Variants in FRMD4A observed in about 807,000 individuals in gnomAD.
The protein encoded by FRMD4A is FERM domain containing 4A, also known as FERM domain-containing protein 4A.
Under a neutral mutation model 129.1 loss-of-function variants are expected in FRMD4A, and 29 were observed. That is an observed-to-expected ratio of 0.22 (90% confidence interval 0.17 to 0.31). The LOEUF (loss-of-function observed/expected upper bound fraction) is 0.31, where lower values mean the gene tolerates loss of function less well. Ranked by LOEUF, FRMD4A falls within the 10% of genes least tolerant of loss-of-function variation. The pLI is 1.00. For missense variants in FRMD4A, 1,272 were observed against 1,375.8 expected, an observed-to-expected ratio of 0.92 and a Z score of 1.19; for synonymous variants, 634 against 571.6, an observed-to-expected ratio of 1.11 and a Z score of -1.56.
intron 2 of FRMD4A, among the ~76,000 whole-genome samples, chr10:14,253,729 C>T (rs1442188606): frequency 1.3e-5 from 2 of 152,208 alleles, no homozygotes; most frequent in African/African-American, 4.8e-5. Context: ...TTTGCTCTTC[C>T]TTCACCTTGT....
intron 2 of FRMD4A, among the ~76,000 whole-genome samples, chr10:14,189,952 G>A (rs969897968): frequency 3.3e-5 from 5 of 152,174 alleles, no homozygotes; most frequent in African/African-American, 1.2e-4. Flanking sequence ...AAACTTCATA[G>A]GGCGCTCTCT....
intron 2 of FRMD4A, among the ~76,000 whole-genome samples, chr10:14,185,583 TAAGAAAGAG>T (rs1023058936): frequency 1.2e-4 from 18 of 151,580 alleles, no homozygotes; most frequent in Non-Finnish European, 2.1e-4. Flanking sequence ...TCTCGTCTTG[TAAGAAAGAG>T]AAACAGGTAG....
chr10:14,206,426 G>A (rs1170935205), intron 2 of FRMD4A, among the ~76,000 whole-genome samples: 1 of 152,154 alleles, frequency 6.6e-6, no homozygotes, highest in South Asian at 2.1e-4. Flanking sequence ...TTTCTGTCCT[G>A]TGGTTCCTTT....
rs192122780 is a variant in FRMD4A, at chr10:13,712,597, G to C, written c.760-5484C>G. On this transcript the variant is annotated intron_variant, in intron 12 of 24. Transcript: ENST00000357447. Reference sequence around the variant, plus strand: ...AACAAAACTTAGAGGAAACCACCAAGTAGTGGCTTCCTTGAGACTATGTCT... The same window carrying C: ...AACAAAACTTAGAGGAAACCACCAACTAGTGGCTTCCTTGAGACTATGTCT... Among the ~76,000 whole-genome samples, 78 of 152,160 alleles carry C rather than the reference G, an allele frequency of 5.1e-4. 1 individual carries two copies. In the South Asian group the frequency reaches 7.1e-3, roughly 14 times the overall value.
At chr10:13,961,493 G>A (rs2095445332) in intron 2 of FRMD4A, among the ~76,000 whole-genome samples, 1 of 152,216 alleles carries the variant, frequency 6.6e-6, no homozygotes, top group African/African-American at 2.4e-5. Flanking sequence ...AACACACGAT[G>A]CTTATTAAAT....
At chr10:14,309,497 T>C (rs377085248) in intron 2 of FRMD4A, among the ~76,000 whole-genome samples, 3 of 152,028 alleles carry the variant, frequency 2.0e-5, no homozygotes, top group African/African-American at 4.8e-5. Context: ...CAAAACCGTA[T>C]AGAGTCACCA....
chr10:13,807,098 C>T (rs558090885), intron 4 of FRMD4A, among the ~76,000 whole-genome samples: 22 of 152,282 alleles, frequency 1.4e-4, no homozygotes, highest in African/African-American at 4.3e-4. Flanking sequence ...TGAGCCACCG[C>T]GCCTGGCCAA....
intron 2 of FRMD4A, among the ~76,000 whole-genome samples, chr10:13,958,301 T>TTTC (rs397953724): frequency 7.5e-6 from 1 of 133,232 alleles, no homozygotes; most frequent in African/African-American, 2.7e-5. Context: ...TTTTTTTTTT[T>TTTC]GGAGACGGAG....
intron 2 of FRMD4A, among the ~76,000 whole-genome samples, chr10:14,136,501 C>T (rs185520829): frequency 6.6e-6 from 1 of 152,232 alleles, no homozygotes; most frequent in African/African-American, 2.4e-5. Context: ...TGTAAAAATG[C>T]AGATTTACTG....
chr10:13,764,700 G>A (rs1297906868), intron 6 of FRMD4A, among the ~76,000 whole-genome samples: 5 of 152,106 alleles, frequency 3.3e-5, no homozygotes, highest in Admixed American at 3.3e-4. Flanking sequence ...CAATTTAATT[G>A]ATATCCTATG....
At chr10:13,812,513 G>C (rs932100581) in intron 3 of FRMD4A, among the ~76,000 whole-genome samples, 1 of 152,232 alleles carries the variant, frequency 6.6e-6, no homozygotes, top group African/African-American at 2.4e-5. Flanking sequence ...ACTATGTACA[G>C]GGCACTGCCC....
At chr10:14,109,226 A>G (rs1837745622) in intron 2 of FRMD4A, among the ~76,000 whole-genome samples, 1 of 149,006 alleles carries the variant, frequency 6.7e-6, no homozygotes, top group African/African-American at 2.5e-5. Flanking sequence ...AAAAAAAAAA[A>G]GCCTCCAAAG....
At chr10:13,829,286 G>T (rs2093753249) in intron 3 of FRMD4A, among the ~76,000 whole-genome samples, 1 of 152,056 alleles carries the variant, frequency 6.6e-6, no homozygotes, top group Admixed American at 6.6e-5. Context: ...GCACTTTGGG[G>T]GTCCGAGGCA....
intron 3 of FRMD4A, among the ~76,000 whole-genome samples, chr10:13,854,574 C>A (rs2094187345): frequency 6.6e-6 from 1 of 150,442 alleles, no homozygotes; most frequent in South Asian, 2.1e-4. Flanking sequence ...GCGTGCACAA[C>A]CACACCGAGC....
intron 12 of FRMD4A, among the ~76,000 whole-genome samples, chr10:13,719,158 C>A (rs547804900): frequency 6.6e-6 from 1 of 152,064 alleles, no homozygotes; most frequent in African/African-American, 2.4e-5. Context: ...GTGGCTGAAC[C>A]CAGATATATT....
At chr10:13,654,640 G>C in intron 22 of FRMD4A, 128 bp from the exon 23 acceptor site, 1 of 641,590 alleles carries the variant, frequency 1.6e-6, no homozygotes, top group South Asian at 1.9e-5. Context: ...TGCTGGGAAG[G>C]ACCCCAGAGC....
chr10:14,227,963 T>G (rs1843503477), intron 2 of FRMD4A, among the ~76,000 whole-genome samples: 1 of 152,056 alleles, frequency 6.6e-6, no homozygotes, highest in Admixed American at 6.6e-5. Flanking sequence ...AACTTCCGCC[T>G]CCCTGGTTCA....
chr10:13,770,959 G>A (rs1390217933), intron 6 of FRMD4A, among the ~76,000 whole-genome samples: 2 of 152,148 alleles, frequency 1.3e-5, no homozygotes, highest in Admixed American at 6.5e-5. Flanking sequence ...ATGAGATGAC[G>A]TCATCTGATC....
Position 13,660,573 on chromosome 10 carries a change from G to C in FRMD4A, c.1661-20C>G, listed in dbSNP as rs1227855026. ...AGTCTTCTGCACAAAGACAGGAAGA[G>C]AGGAACTGAGCCCCGGTCATCCTTC... On this transcript the variant is annotated intron_variant, in intron 19 of 24. Transcript: ENST00000357447. The C allele has an allele frequency of 6.8e-7, 1 of 1,460,258 alleles. No individual in the cohort carries two copies. Among genetic ancestry groups the C allele is most frequent in the South Asian group, 1.2e-5 (1 of 82,896 alleles). The allele number at this position is 1,460,258 out of a possible 1,614,324, so 90.5% of individuals were successfully genotyped here. A position where few individuals can be genotyped will look rare whatever the true frequency, so the allele number is the denominator to read the frequency against.
Sources: allele counts gnomAD v4.1 joint callset (sites outside exome capture counted in the v4.1 genomes callset), GRCh38; gene constraint gnomAD v4.1.1; transcripts MANE v1.5; gene names NCBI Gene and HGNC (gene_info 2026-07-23, HGNC 2026-07-21).